The following CDK13 variants were observed in gnomAD, a reference collection of about 807,000 sequenced individuals.
CDK13 encodes cyclin-dependent kinase 13.
A neutral mutation model predicts 137.6 loss-of-function variants in CDK13; 40 were observed. The observed-to-expected ratio is 0.29, with a 90% CI of 0.23 to 0.38. The LOEUF (loss-of-function observed/expected upper bound fraction) is 0.38. Among genes scored for constraint, CDK13 ranks in the 10% least tolerant of loss-of-function variants. CDK13 has a pLI of 1.00. For missense variants in CDK13, 1,704 were observed against 1,951.8 expected, an observed-to-expected ratio of 0.87 and a Z score of 2.39; for synonymous variants, 869 against 760.1, an observed-to-expected ratio of 1.14 and a Z score of -2.36.
At chr7:40,050,205 T>G (rs1040214822) in intron 7 of CDK13, among the ~76,000 whole-genome samples, 1 of 152,138 alleles carries the variant, frequency 6.6e-6, no homozygotes, top group South Asian at 2.1e-4. Flanking sequence ...GTTGAGTGAC[T>G]TTAAAGATCA....
intron 11 of CDK13, among the ~76,000 whole-genome samples, chr7:40,082,681 C>T (rs1786692554): frequency 6.6e-6 from 1 of 150,784 alleles, no homozygotes; most frequent in South Asian, 2.1e-4. Context: ...ATCCCAGCTA[C>T]TCAGAAGGCT....
intron 5 of CDK13, among the ~76,000 whole-genome samples, chr7:40,015,953 A>G (rs527789663): frequency 3.2e-4 from 48 of 152,342 alleles, no homozygotes; most frequent in African/African-American, 1.1e-3. Context: ...TGCAAAGAGC[A>G]GATGCCTTGG....
chr7:40,001,002 C>T (rs1051498226), intron 4 of CDK13, among the ~76,000 whole-genome samples: 1 of 152,094 alleles, frequency 6.6e-6, no homozygotes, highest in Non-Finnish European at 1.5e-5. Flanking sequence ...ATTTTTGAGA[C>T]AAGTAACTGG....
intron 1 of CDK13, among the ~76,000 whole-genome samples, chr7:39,968,367 A>G (rs1036067865): frequency 5.3e-5 from 8 of 151,922 alleles, no homozygotes; most frequent in Non-Finnish European, 7.4e-5. Flanking sequence ...ATGAGAGTCT[A>G]TTTTCATTAT....
At chr7:40,009,366 T>C (rs1784852038) in intron 5 of CDK13, among the ~76,000 whole-genome samples, 1 of 152,260 alleles carries the variant, frequency 6.6e-6, no homozygotes, top group Non-Finnish European at 1.5e-5. Flanking sequence ...TATGCTTGGA[T>C]ATTCTAGCAG....
At chr7:39,976,540 G>A (rs1784115713) in intron 1 of CDK13, among the ~76,000 whole-genome samples, 1 of 151,960 alleles carries the variant, frequency 6.6e-6, no homozygotes, top group Non-Finnish European at 1.5e-5. Flanking sequence ...GTGAACCTGT[G>A]AGGGTTAGTG....
intron 9 of CDK13, among the ~76,000 whole-genome samples, chr7:40,073,859 G>T (rs925295293): frequency 6.7e-6 from 1 of 150,054 alleles, no homozygotes; most frequent in African/African-American, 2.4e-5. Flanking sequence ...TAAAGTGCTG[G>T]GATTACAGGC....
intron 5 of CDK13, among the ~76,000 whole-genome samples, chr7:40,019,443 G>A (rs1016539124): frequency 6.6e-6 from 1 of 152,146 alleles, no homozygotes; most frequent in African/African-American, 2.4e-5. Flanking sequence ...TGTAGGGGCT[G>A]GCAAGTCTGA....
chr7:39,977,757 G>A (rs778345626), intron 1 of CDK13, among the ~76,000 whole-genome samples: 7 of 151,852 alleles, frequency 4.6e-5, no homozygotes, highest in Non-Finnish European at 8.8e-5. Flanking sequence ...GTGGAGACTC[G>A]AGGTGGGAAC....
At chr7:39,980,269 G>A (rs1159435874) in intron 1 of CDK13, among the ~76,000 whole-genome samples, 2 of 152,198 alleles carry the variant, frequency 1.3e-5, no homozygotes. Context: ...ATAGAGAATG[G>A]TAAGGAGTAG....
At chr7:39,955,015 C>A (rs1787365902) in intron 1 of CDK13, among the ~76,000 whole-genome samples, 2 of 152,284 alleles carry the variant, frequency 1.3e-5, no homozygotes, top group South Asian at 4.1e-4. Context: ...AATCTTCAGT[C>A]CTCGGCTCAT....
Position 40,003,204 on chromosome 7 carries a change from A to ACT in CDK13, c.2353+1174_2353+1175insTC, listed in dbSNP as rs1247909926. ...CACACACACACACACACACACACAC[A>ACT]CACTCTCTCTCTCTCTCTCTCTTAC... is the stretch of plus-strand genomic sequence containing the variant. On this transcript the variant is annotated intron_variant, in intron 5 of 13. Coordinates refer to ENST00000181839, the MANE Select transcript of CDK13 (RefSeq NM_003718.5). 2.3e-3 allele frequency among the ~76,000 whole-genome samples: 185 copies of ACT among 81,214 alleles called. 1 individual carries two copies. The highest frequency in any genetic ancestry group is 7.1e-3 in the East Asian group (14 of 1,962). The allele number at this position is 81,214 out of a possible 152,430, so 53.3% of individuals were successfully genotyped here.
In CDK13 at chr7:40,075,466, A is replaced by G. The variant is rs1786525621; in HGVS notation, c.2781-2539A>G. Among the ~76,000 whole-genome samples the G allele has an allele frequency of 2.0e-5, 3 of 152,126 alleles. No homozygotes were observed. The South Asian group carries it at 6.2e-4, about 32-fold the overall frequency. On this transcript the variant is annotated intron_variant, in intron 9 of 13. Transcript: ENST00000181839. ...AAATAATTGAAATTTTTATTGAAAT[A>G]AAATTTCAATAAAATAAAATTTTAT... is the stretch of plus-strand genomic sequence containing the variant.
In CDK13 at chr7:39,997,614, T is replaced by A. The variant is rs747285100; in HGVS notation, c.1992T>A (p.Ser664Arg). ...ELPGGDDLSK[S>R]PEEKKTATQL... ...CAGGAGGAGATGATCTTTCAAAGAGTCCAGAGGAAAAGAAAACAGCAACAC... is the reference window on the plus strand; with the variant it reads ...CAGGAGGAGATGATCTTTCAAAGAGACCAGAGGAAAAGAAAACAGCAACAC... The change falls in exon 3 of 14, where the codon AGT becomes AGA. Residue 664 changes from serine to arginine, a missense_variant. Transcript: ENST00000181839. 38 of 1,613,486 alleles carry A rather than the reference T, an allele frequency of 2.4e-5. No homozygotes were observed. Among genetic ancestry groups the A allele is most frequent in the Non-Finnish European group, 3.1e-5 (36 of 1,179,844 alleles).
At chr7:40,065,968 C>T (rs950648043) in intron 9 of CDK13, among the ~76,000 whole-genome samples, 1 of 152,086 alleles carries the variant, frequency 6.6e-6, no homozygotes, top group African/African-American at 2.4e-5. Context: ...CAGGATCACT[C>T]GAGCCCAGGA....
intron 3 of CDK13, 78 bp from the exon 4 acceptor site, chr7:39,999,283 C>T (rs1583969032): frequency 7.7e-6 from 9 of 1,163,430 alleles, no homozygotes; most frequent in African/African-American, 3.1e-5. Context: ...AATTGGGTGG[C>T]GAGTAGATAT....
chr7:40,088,082 G>C lies in CDK13; in HGVS notation c.3030-44G>C, dbSNP rs774601529. The C allele has an allele frequency of 1.9e-6, 3 of 1,540,674 alleles. No individual in the cohort carries two copies. The Admixed American group carries it at 5.5e-5, about 28-fold the overall frequency. On this transcript the variant is annotated intron_variant, in intron 11 of 13. Coordinates refer to ENST00000181839, the MANE Select transcript of CDK13 (RefSeq NM_003718.5). ...CTATATAGTAACTGTAGCATTTTTT[G>C]TTAAGAAATGCCATTTACAATTTAA...
intron 9 of CDK13, chr7:40,070,737 A>T (rs1786402869): frequency 6.6e-6 from 1 of 152,478 alleles, no homozygotes; most frequent in African/African-American, 2.4e-5. Context: ...ACAAAAAGTG[A>T]TGGAGGAAGA....
intron 12 of CDK13, among the ~76,000 whole-genome samples, chr7:40,091,432 A>G (rs1032043793): frequency 3.9e-5 from 6 of 152,066 alleles, no homozygotes; most frequent in African/African-American, 1.4e-4. Context: ...TGGGGCAGGA[A>G]AATTGCTTGA....
Sources: gnomAD v4.1 joint callset for allele counts (sites outside exome capture counted in the v4.1 genomes callset) on GRCh38, gnomAD v4.1.1 for gene constraint, MANE v1.5 for transcripts, NCBI Gene and HGNC (gene_info 2026-07-23, HGNC 2026-07-21) for gene names.